ECSIT: variants seen among roughly 807,000 people sequenced by gnomAD.
ECSIT encodes the protein ECSIT signaling integrator.
ECSIT carries 29 observed loss-of-function variants against 36.8 expected under a neutral mutation model. The ratio of observed to expected loss-of-function variants is 0.79; its 90% confidence interval spans 0.59 to 1.08. The LOEUF (loss-of-function observed/expected upper bound fraction) is 1.08, where lower values mean the gene tolerates loss of function less well. ECSIT is among the 50% of genes least tolerant of loss of function. The pLI, the probability that ECSIT is intolerant of heterozygous loss-of-function variation, is 0.00. For synonymous variants in ECSIT, 231 were observed against 234.8 expected, an observed-to-expected ratio of 0.98 and a Z score of 0.15; for missense variants, 542 against 581.0, an observed-to-expected ratio of 0.93 and a Z score of 0.69.
At chr19:11,507,094 A>T (rs1459236513) in intron 7 of ECSIT, among the ~76,000 whole-genome samples, 1 of 152,158 alleles carries the variant, frequency 6.6e-6, no homozygotes, top group African/African-American at 2.4e-5. Flanking sequence ...GGAGGGAATG[A>T]ACAAGGGCCA....
Position 11,527,375 on chromosome 19 carries a change from C to T in ECSIT, c.-24+1687G>A, listed in dbSNP as rs150604670. Among the ~76,000 whole-genome samples, 555 of 152,212 alleles carry T rather than the reference C, an allele frequency of 3.6e-3. 2 individuals carry two copies. Among genetic ancestry groups the T allele is most frequent in the Non-Finnish European group, 6.5e-3 (444 of 68,026 alleles). On this transcript the variant is annotated intron_variant, in intron 1 of 7. Coordinates refer to ENST00000270517, the MANE Select transcript of ECSIT (RefSeq NM_016581.5). ...AGTGATTTCTGCCTAAAATCGCTAA[C>T]GGCATATCACACTTAAAATCAGAGA...
intron 6 of ECSIT, 27 bp downstream of exon 6, chr19:11,507,675 A>G (rs1469560139): frequency 1.2e-6 from 2 of 1,613,640 alleles, no homozygotes; most frequent in South Asian, 2.2e-5. Flanking sequence ...CCCCAGCCCC[A>G]ACACATGCTT....
At chr19:11,515,509 T>C (rs1174508591) in intron 2 of ECSIT, among the ~76,000 whole-genome samples, 1 of 151,928 alleles carries the variant, frequency 6.6e-6, no homozygotes, top group Non-Finnish European at 1.5e-5. Flanking sequence ...CAGGCTGGAA[T>C]GCAATGGTGT....
intron 7 of ECSIT, 101 bp from the exon 8 acceptor site, chr19:11,506,529 CTT>C (rs71166605): frequency 0.085 from 56,302 of 662,150 alleles, 1 homozygote; most frequent in South Asian, 0.099. Flanking sequence ...CTTCCACTTC[CTT>C]TTTTTTTTTT....
intron 7 of ECSIT, among the ~76,000 whole-genome samples, chr19:11,506,928 G>A (rs1448626586): frequency 6.6e-6 from 1 of 152,120 alleles, no homozygotes; most frequent in Non-Finnish European, 1.5e-5. Context: ...ATGACTCCTG[G>A]TTTTTCTGTA....
chr19:11,515,252 T>C (rs113745112), intron 2 of ECSIT, among the ~76,000 whole-genome samples: 9,346 of 151,278 alleles, frequency 0.062, 961 homozygotes, highest in African/African-American at 0.21. Flanking sequence ...TACAGGCGCC[T>C]GCCACCACGC....
In ECSIT at chr19:11,513,632, C is replaced by T. The variant is rs866891429; in HGVS notation, c.514+172G>A. Among the ~76,000 whole-genome samples the T allele has an allele frequency of 5.1e-5, 7 of 138,130 alleles. No individual in the cohort carries two copies. In the South Asian group the frequency reaches 1.4e-3, roughly 28 times the overall value. The allele number at this position is 138,130 out of a possible 152,430, so 90.6% of individuals were successfully genotyped here. A position where few individuals can be genotyped will look rare whatever the true frequency, so the allele number is the denominator to read the frequency against. On this transcript the variant is annotated intron_variant, in intron 3 of 7. Transcript: ENST00000270517. ...AGGGAGGGGGGAGGGGAGGGGAGGT[C>T]AGAGGGAGGCAAGAAAGAGAGATGA...
chr19:11,507,612 G>C (rs376828070), intron 6 of ECSIT, 50 bp from the exon 7 acceptor site: 10 of 1,612,692 alleles, frequency 6.2e-6, no homozygotes, highest in South Asian at 1.1e-5. Context: ...GGGCTCTCTC[G>C]GTCTCCCTCC....
At chr19:11,511,552 G>A (rs1391946294) in intron 4 of ECSIT, among the ~76,000 whole-genome samples, 2 of 152,182 alleles carry the variant, frequency 1.3e-5, no homozygotes, top group Admixed American at 6.6e-5. Flanking sequence ...AAATAAGGAA[G>A]ATGCCTAGAA....
chr19:11,513,613 G>GGGGAGGGGGGGGGAGGAGAGGGAGGGAGC (rs1971921118), intron 3 of ECSIT, among the ~76,000 whole-genome samples, 191 bp downstream of exon 3: 1 of 117,342 alleles, frequency 8.5e-6, no homozygotes, highest in Admixed American at 9.2e-5. Flanking sequence ...AGGGAGGGAG[G>GGGGAGGGGGGGGGAGGAGAGGGAGGGAGC]GGGGAGGGGA....
Position 11,505,988 on chromosome 19 carries a change from C to A in ECSIT, c.*196G>T. 9.9e-7 allele frequency: 1 copy of A among 1,014,900 alleles called. No individual in the cohort carries two copies. The highest frequency in any genetic ancestry group is 1.4e-6 in the Non-Finnish European group (1 of 703,896). The allele number at this position is 1,014,900 out of a possible 1,614,324, so 62.9% of individuals were successfully genotyped here. ...TTTGAATTCGGAGAACCAGAGGCGC[C>A]TGCAGATTCTGGAGGGGTCTCGCCT... On this transcript the variant is annotated 3_prime_UTR_variant, in exon 8 of 8. Coordinates refer to ENST00000270517, the MANE Select transcript of ECSIT (RefSeq NM_016581.5).
In ECSIT at chr19:11,513,155, G is replaced by C. The variant is rs1375821590; in HGVS notation, c.639C>G (p.Phe213Leu). The change falls in exon 4 of 8, where the codon TTC becomes TTG. Residue 213 changes from phenylalanine to leucine, a missense_variant. Physicochemically the swap from Phe to Leu is conservative, Grantham distance 22. Transcript: ENST00000270517. The stretch of plus-strand genomic sequence containing the variant: ...CCTGGGGCAGGTCCCGGGGCACTGG[G>C]AAGGGGTTGACGTTCATGAATCGAG... ...WFPRFMNVNP[F>L]PVPRDLPQDP... 2 of 1,614,230 alleles carry C rather than the reference G, an allele frequency of 1.2e-6. No homozygotes were observed. The highest frequency in any genetic ancestry group is 4.5e-5 in the East Asian group (2 of 44,872).
At chr19:11,520,274 C>T (rs1305207369) in intron 1 of ECSIT, among the ~76,000 whole-genome samples, 1 of 151,984 alleles carries the variant, frequency 6.6e-6, no homozygotes, top group Non-Finnish European at 1.5e-5. Flanking sequence ...CGGATTCAAG[C>T]GATTCCCATG....
chr19:11,508,999 G>C (rs1003344300), intron 4 of ECSIT, among the ~76,000 whole-genome samples: 6 of 152,196 alleles, frequency 3.9e-5, no homozygotes, highest in African/African-American at 1.2e-4. Context: ...GTGGAGGACA[G>C]GGTGGGAAGG....
At chr19:11,515,317 A>C (rs573360174) in intron 2 of ECSIT, among the ~76,000 whole-genome samples, 6 of 149,972 alleles carry the variant, frequency 4.0e-5, no homozygotes, top group South Asian at 4.2e-4. Context: ...GTTAGTCAGG[A>C]TGGTCTCGAT....
intron 1 of ECSIT, chr19:11,522,218 C>G (rs1972119204): frequency 3.6e-6 from 2 of 563,176 alleles, no homozygotes. Context: ...GGCTGCGCTA[C>G]AAACTCCCAG....
In ECSIT at chr19:11,506,404, A is replaced by G. The variant is rs1173539747; in HGVS notation, c.1076T>C (p.Met359Thr). 2.5e-6 allele frequency: 4 copies of G among 1,613,016 alleles called. No individual in the cohort carries two copies. Among genetic ancestry groups the G allele is most frequent in the Non-Finnish European group, 2.5e-6 (3 of 1,179,416 alleles). Residue 359 changes from methionine (M) to threonine (T), a missense_variant, in exon 8 of 8, where the codon ATG (methionine) becomes ACG (threonine). Coordinates refer to ENST00000270517, the MANE Select transcript of ECSIT (RefSeq NM_016581.5). ...CTGGTCATGAGCACCCGCCATGCAC[A>G]TGGCGAAGACAGGGCCTTCCTCCAC... ...NEVEEGPVFA[M>T]CMAGAHDQAT... is the part of the protein sequence containing the mutation.
chr19:11,522,371 G>A, intron 1 of ECSIT: 3 of 860,980 alleles, frequency 3.5e-6, no homozygotes, highest in Non-Finnish European at 3.9e-6. Context: ...ATAGCAGCCA[G>A]CAAGTCCCAC....
intron 3 of ECSIT, 93 bp from the exon 4 acceptor site, chr19:11,513,372 T>A: frequency 2.0e-6 from 2 of 1,005,132 alleles, no homozygotes; most frequent in Non-Finnish European, 3.1e-6. Context: ...AGGGAATTGA[T>A]CACAGACAGG....
Sources: allele counts gnomAD v4.1 joint callset (sites outside exome capture counted in the v4.1 genomes callset), GRCh38; gene constraint gnomAD v4.1.1; transcripts MANE v1.5; gene names NCBI Gene and HGNC (gene_info 2026-07-23, HGNC 2026-07-21).